The following PSMD14 variants were observed in gnomAD, a reference collection of about 807,000 sequenced individuals.
PSMD14 encodes the protein ubiquitin C-terminal hydrolase PSMD14.
A neutral mutation model predicts 41.2 loss-of-function variants in PSMD14; 7 were observed. That is an observed-to-expected ratio of 0.17 (90% CI 0.10 to 0.32). The LOEUF is 0.32. PSMD14 is among the 10% of genes least tolerant of loss of function. The pLI is 1.00. For synonymous variants in PSMD14, 114 were observed against 122.3 expected, an observed-to-expected ratio of 0.93 and a Z score of 0.45; for missense variants, 139 against 375.6, an observed-to-expected ratio of 0.37 and a Z score of 5.21.
intron 11 of PSMD14, among the ~76,000 whole-genome samples, chr2:161,410,073 G>T (rs964337498): frequency 2.6e-5 from 4 of 152,040 alleles, no homozygotes; most frequent in African/African-American, 9.7e-5. Flanking sequence ...TATGTAATTG[G>T]CAAAGTTTAA....
intron 2 of PSMD14, among the ~76,000 whole-genome samples, chr2:161,317,956 A>G (rs1255488795): frequency 2.0e-5 from 3 of 152,062 alleles, no homozygotes; most frequent in Non-Finnish European, 4.4e-5. Context: ...TTAAAATTTG[A>G]TTACTTCTTT....
intron 9 of PSMD14, among the ~76,000 whole-genome samples, chr2:161,394,324 C>A (rs558045253): frequency 3.3e-5 from 5 of 151,912 alleles, no homozygotes; most frequent in Non-Finnish European, 7.4e-5. Context: ...TTCATCCTGA[C>A]AATAAGGAAG....
intron 10 of PSMD14, 88 bp downstream of exon 10, chr2:161,395,291 A>G: frequency 2.5e-6 from 3 of 1,194,892 alleles, no homozygotes; most frequent in Non-Finnish European, 3.5e-6. Flanking sequence ...TTAAAAATAG[A>G]GAATCCTGTT....
At chr2:161,342,294 A>G (rs1444183051) in intron 3 of PSMD14, among the ~76,000 whole-genome samples, 2 of 152,074 alleles carry the variant, frequency 1.3e-5, no homozygotes, top group Non-Finnish European at 2.9e-5. Context: ...ACTCTTTATC[A>G]GGTTGAAGAA....
chr2:161,341,187 G>C (rs936435135), intron 3 of PSMD14: 2 of 952,378 alleles, frequency 2.1e-6, no homozygotes, highest in Non-Finnish European at 2.5e-6. Context: ...GGCCTCGGCC[G>C]GGGGCGCGGG....
chr2:161,374,856 A>T (rs1683482205), intron 7 of PSMD14, among the ~76,000 whole-genome samples: 1 of 151,998 alleles, frequency 6.6e-6, no homozygotes, highest in African/African-American at 2.4e-5. Flanking sequence ...GGATATTGTA[A>T]TATATTTATT....
At chr2:161,408,925 G>A in intron 11 of PSMD14, 26 bp downstream of exon 11, 1 of 1,557,570 alleles carries the variant, frequency 6.4e-7, no homozygotes, top group Non-Finnish European at 8.8e-7. Context: ...AATAAGTTAT[G>A]CAGTTGCATA....
intron 9 of PSMD14, among the ~76,000 whole-genome samples, chr2:161,392,460 C>G (rs573901589): frequency 1.3e-5 from 2 of 152,252 alleles, no homozygotes; most frequent in South Asian, 4.1e-4. Context: ...CACGCTTACC[C>G]CCTCTTTCAA....
chr2:161,377,864 T>C (rs1683522668), intron 7 of PSMD14, among the ~76,000 whole-genome samples: 1 of 151,926 alleles, frequency 6.6e-6, no homozygotes, highest in South Asian at 2.1e-4. Context: ...AACAGACACT[T>C]GTTGATCACT....
At chr2:161,408,955 T>G (rs887278622) in intron 11 of PSMD14, 56 bp downstream of exon 11, 24 of 1,416,864 alleles carry the variant, frequency 1.7e-5, no homozygotes, top group Non-Finnish European at 2.2e-5. Flanking sequence ...TCTTATAGAG[T>G]TAAAACTGTT....
intron 10 of PSMD14, among the ~76,000 whole-genome samples, chr2:161,404,695 A>G (rs772398607): frequency 6.6e-6 from 1 of 152,098 alleles, no homozygotes; most frequent in Non-Finnish European, 1.5e-5. Context: ...TTATTTTCTT[A>G]GTGCACTGAG....
intron 7 of PSMD14, among the ~76,000 whole-genome samples, chr2:161,375,727 C>T (rs1413187650): frequency 6.6e-6 from 1 of 151,766 alleles, no homozygotes; most frequent in Non-Finnish European, 1.5e-5. Context: ...AATACAAATA[C>T]AGGAAGAAAG....
intron 1 of PSMD14, among the ~76,000 whole-genome samples, chr2:161,314,773 G>A (rs1424230530): frequency 1.3e-5 from 2 of 152,184 alleles, no homozygotes; most frequent in East Asian, 3.8e-4. Flanking sequence ...ATTCCTATAT[G>A]TGTTTATAGT....
Position 161,389,889 on chromosome 2 carries a change from G to GTTGTT in PSMD14, c.571-1213_571-1212insGTTTT. Among the ~76,000 whole-genome samples the GTTGTT allele has an allele frequency of 5.6e-3, 113 of 20,040 alleles. 29 individuals are homozygous for GTTGTT. The highest frequency in any genetic ancestry group is 0.011 in the African/African-American group (73 of 6,552). The allele number at this position is 20,040 out of a possible 152,430, so 13.1% of individuals were successfully genotyped here. ...TGTCTTATTTTCTTTCTTTTTTGTT[G>GTTGTT]TTTTTTTTTTTTTTTTTTTTTTTAG... On this transcript the variant is annotated intron_variant, in intron 8 of 11. Coordinates refer to ENST00000409682, the MANE Select transcript of PSMD14 (RefSeq NM_005805.6).
chr2:161,372,072 G>A (rs1683442598), intron 7 of PSMD14, among the ~76,000 whole-genome samples: 1 of 151,512 alleles, frequency 6.6e-6, no homozygotes, highest in Admixed American at 6.6e-5. Context: ...AGAGCTGTCT[G>A]CAAATGTGAG....
chr2:161,408,025 A>C (rs1006523807), intron 10 of PSMD14: 1 of 152,084 alleles, frequency 6.6e-6, no homozygotes, highest in Non-Finnish European at 1.5e-5. Context: ...AGCCAATCTA[A>C]ATGTTATAAT....
At chr2:161,351,406 C>G (rs1683115709) in intron 3 of PSMD14, among the ~76,000 whole-genome samples, 1 of 152,200 alleles carries the variant, frequency 6.6e-6, no homozygotes, top group African/African-American at 2.4e-5. Context: ...TCATCTTTTG[C>G]TCTGACCTTC....
chr2:161,332,249 T>A (rs1388075685), intron 3 of PSMD14, among the ~76,000 whole-genome samples: 1 of 152,232 alleles, frequency 6.6e-6, no homozygotes, highest in Non-Finnish European at 1.5e-5. Flanking sequence ...TCTTCACACA[T>A]TGGTAAAGGT....
chr2:161,394,933 G>A (rs1574140901), intron 9 of PSMD14, 145 bp from the exon 10 acceptor site: 1 of 693,038 alleles, frequency 1.4e-6, no homozygotes, highest in African/African-American at 1.8e-5. Flanking sequence ...AAATATAGGA[G>A]CATTCTAATT....
Sources: allele counts gnomAD v4.1 joint callset (sites outside exome capture counted in the v4.1 genomes callset), GRCh38; gene constraint gnomAD v4.1.1; transcripts MANE v1.5; gene names NCBI Gene and HGNC (gene_info 2026-07-23, HGNC 2026-07-21).